The following CENPW variants were observed in gnomAD, a reference collection of about 807,000 sequenced individuals.
CENPW encodes centromere protein W, also known as cancer-up-regulated gene 2 protein.
CENPW carries 3 observed loss-of-function variants against 11.1 expected under a neutral mutation model. The observed-to-expected ratio is 0.27, with a 90% confidence interval of 0.12 to 0.70. The LOEUF is 0.70. Ranked by LOEUF, CENPW falls within the 30% of genes least tolerant of loss-of-function variation. The probability of loss-of-function intolerance (pLI) is 0.77; values close to 1 mark genes in which losing one functional copy is unlikely to be tolerated. For synonymous variants in CENPW, 38 were observed against 42.0 expected, an observed-to-expected ratio of 0.91 and a Z score of 0.37; for missense variants, 100 against 105.6, an observed-to-expected ratio of 0.95 and a Z score of 0.23.
At chr6:126,390,833 ATT>A in the CENPW span, among the ~76,000 whole-genome samples, 1 of 151,942 alleles carries the variant, frequency 6.6e-6, no homozygotes, top group African/African-American at 2.4e-5. Context: ...AAAATACTCT[ATT>A]GTGTATATGT....
At chr6:126,355,704 G>A in the CENPW span, among the ~76,000 whole-genome samples, 10 of 152,124 alleles carry the variant, frequency 6.6e-5, no homozygotes, top group Non-Finnish European at 1.5e-4. Context: ...CATTTTATTG[G>A]CAATTAACTA....
the CENPW span, among the ~76,000 whole-genome samples, chr6:126,370,814 G>A: frequency 7.9e-5 from 12 of 151,348 alleles, no homozygotes; most frequent in East Asian, 1.2e-3. Flanking sequence ...GTGCAGTGGC[G>A]TGATCTCGGC....
chr6:126,382,235 C>CA, the CENPW span, among the ~76,000 whole-genome samples: 3,553 of 148,836 alleles, frequency 0.024, 47 homozygotes, highest in Admixed American at 0.035. Flanking sequence ...AAATCCATCT[C>CA]AAAAAAAATA....
chr6:126,375,264 G>A, the CENPW span, among the ~76,000 whole-genome samples: 3 of 152,286 alleles, frequency 2.0e-5, no homozygotes, highest in Middle Eastern at 3.4e-3. Flanking sequence ...TGAAGAAGAG[G>A]TAAATTAGGC....
the CENPW span, among the ~76,000 whole-genome samples, chr6:126,411,701 G>A: frequency 1.3e-5 from 2 of 152,068 alleles, no homozygotes; most frequent in South Asian, 4.1e-4. Flanking sequence ...AAGGGTAAAG[G>A]AATGCTCTGG....
chr6:126,415,424 TATATC>T, the CENPW span, among the ~76,000 whole-genome samples: 17 of 152,166 alleles, frequency 1.1e-4, no homozygotes, highest in African/African-American at 3.1e-4. Context: ...AAAAATTAAA[TATATC>T]ATTAAATGAA....
the CENPW span, among the ~76,000 whole-genome samples, chr6:126,411,505 C>A: frequency 1.3e-5 from 2 of 152,124 alleles, no homozygotes; most frequent in African/African-American, 4.8e-5. Context: ...CTTGATGTTT[C>A]TTGAACCTAT....
the CENPW span, among the ~76,000 whole-genome samples, chr6:126,474,418 C>T: frequency 6.6e-6 from 1 of 152,082 alleles, no homozygotes; most frequent in Non-Finnish European, 1.5e-5. Context: ...AATTACCAGG[C>T]ACCCACACTG....
chr6:126,408,179 A>G, the CENPW span, among the ~76,000 whole-genome samples: 1 of 152,176 alleles, frequency 6.6e-6, no homozygotes, highest in East Asian at 1.9e-4. Context: ...CTGGCTAGCC[A>G]TATGCAGAAA....
chr6:126,390,605 C>T, the CENPW span, among the ~76,000 whole-genome samples: 1 of 151,732 alleles, frequency 6.6e-6, no homozygotes, highest in African/African-American at 2.4e-5. Context: ...CCCCACTTCC[C>T]CTACAACTCC....
the CENPW span, among the ~76,000 whole-genome samples, chr6:126,425,437 T>C: frequency 6.6e-6 from 1 of 152,148 alleles, no homozygotes; most frequent in Non-Finnish European, 1.5e-5. Flanking sequence ...GACACCAATT[T>C]ACTGACATAA....
the CENPW span, among the ~76,000 whole-genome samples, chr6:126,389,141 C>A: frequency 6.6e-6 from 1 of 151,984 alleles, no homozygotes; most frequent in African/African-American, 2.4e-5. Flanking sequence ...GCATTGGCTA[C>A]CTTTTACCTA....
chr6:126,406,065 A>C, the CENPW span, among the ~76,000 whole-genome samples: 1 of 152,156 alleles, frequency 6.6e-6, no homozygotes, highest in Non-Finnish European at 1.5e-5. Flanking sequence ...ACATTTTCTT[A>C]TTCAGCATAA....
At chr6:126,403,272 A>G in the CENPW span, among the ~76,000 whole-genome samples, 4 of 152,156 alleles carry the variant, frequency 2.6e-5, no homozygotes, top group Non-Finnish European at 5.9e-5. Flanking sequence ...GAGAAGTTGC[A>G]TATCTCTCAC....
chr6:126,419,557 G>A, the CENPW span, among the ~76,000 whole-genome samples: 5 of 152,158 alleles, frequency 3.3e-5, no homozygotes, highest in Non-Finnish European at 1.5e-5. Flanking sequence ...GTCAGGTAGA[G>A]TATTAGTATT....
the CENPW span, among the ~76,000 whole-genome samples, chr6:126,468,578 T>A: frequency 6.6e-6 from 1 of 151,916 alleles, no homozygotes; most frequent in East Asian, 1.9e-4. Context: ...TCATTGTTAG[T>A]TTATATAATA....
At chr6:126,480,511 G>A in the CENPW span, among the ~76,000 whole-genome samples, 2 of 151,946 alleles carry the variant, frequency 1.3e-5, no homozygotes, top group East Asian at 3.8e-4. Flanking sequence ...TACACCAAGA[G>A]TTAGTTGGAA....
At position 126,348,608 on chromosome 6, in the gene CENPW, ATGTG is replaced by A; in HGVS notation, c.*122_*125del. On this transcript the variant is annotated 3_prime_UTR_variant, in exon 3 of 3. Coordinates refer to ENST00000368328, the MANE Select transcript of CENPW (RefSeq NM_001012507.4). ...GATTATTAAATATTGGCTATAAGTG[ATGTG>A]TGTGTTTGTATTTTTTTTCTGGCAT... The A allele has an allele frequency of 1.6e-6, 1 of 642,940 alleles. No homozygotes were observed. The highest frequency in any genetic ancestry group is 2.7e-5 in the Admixed American group (1 of 36,586). The allele number at this position is 642,940 out of a possible 1,614,324, so 39.8% of individuals were successfully genotyped here.
chr6:126,472,337 T>G, the CENPW span, among the ~76,000 whole-genome samples: 1 of 152,210 alleles, frequency 6.6e-6, no homozygotes, highest in Admixed American at 6.5e-5. Flanking sequence ...CCATACCAGC[T>G]ACTACTGATT....
Sources: gnomAD v4.1 joint callset for allele counts (sites outside exome capture counted in the v4.1 genomes callset) on GRCh38, gnomAD v4.1.1 for gene constraint, MANE v1.5 for transcripts, NCBI Gene and HGNC (gene_info 2026-07-23, HGNC 2026-07-21) for gene names.